The following WDR88 variants were observed in gnomAD, a reference collection of about 807,000 sequenced individuals.
WDR88 encodes the protein WD repeat domain 88.
A neutral mutation model predicts 46.8 loss-of-function variants in WDR88; 40 were observed. That is an observed-to-expected ratio of 0.86 (90% CI 0.66 to 1.11). WDR88 has a LOEUF of 1.11. Ranked by LOEUF, WDR88 falls within the 50% of genes most tolerant of loss-of-function variation. WDR88 has a pLI of 0.00. For missense variants in WDR88, 562 were observed against 602.4 expected, an observed-to-expected ratio of 0.93 and a Z score of 0.70; for synonymous variants, 235 against 240.7, an observed-to-expected ratio of 0.98 and a Z score of 0.22.
intron 1 of WDR88, among the ~76,000 whole-genome samples, chr19:33,135,265 G>C (rs982492552): frequency 6.6e-6 from 1 of 152,112 alleles, no homozygotes; most frequent in African/African-American, 2.4e-5. Context: ...GTCTATTCTA[G>C]ACCTTTTATA....
chr19:33,146,618 A>G (rs1243941676), intron 3 of WDR88, among the ~76,000 whole-genome samples: 1 of 152,074 alleles, frequency 6.6e-6, no homozygotes, highest in Non-Finnish European at 1.5e-5. Context: ...TCCTGGTTCA[A>G]GAGATTTTCA....
intron 1 of WDR88, 108 bp from the exon 2 acceptor site, chr19:33,137,568 AT>A (rs1406091017): frequency 1.8e-5 from 19 of 1,032,506 alleles, no homozygotes; most frequent in Admixed American, 2.5e-5. Context: ...TTTTAAATTC[AT>A]TTTTTTCCGG....
intron 1 of WDR88, among the ~76,000 whole-genome samples, chr19:33,135,772 AGGAG>A (rs1973251951): frequency 6.6e-6 from 1 of 152,242 alleles, no homozygotes; most frequent in Non-Finnish European, 1.5e-5. Flanking sequence ...CCAGCAATGT[AGGAG>A]GTTTCCAACT....
At chr19:33,133,473 G>C (rs932679592) in intron 1 of WDR88, among the ~76,000 whole-genome samples, 1 of 152,056 alleles carries the variant, frequency 6.6e-6, no homozygotes, top group South Asian at 2.1e-4. Flanking sequence ...ATTTGAACCC[G>C]GGAGGCAGAG....
intron 9 of WDR88, among the ~76,000 whole-genome samples, 177 bp downstream of exon 9, chr19:33,164,442 A>T (rs1973921760): frequency 2.0e-5 from 3 of 152,242 alleles, no homozygotes; most frequent in Non-Finnish European, 1.5e-5. Flanking sequence ...CGCAAACGCG[A>T]TGAGTTTGGA....
chr19:33,173,625 T>C (rs1974076451), intron 10 of WDR88, among the ~76,000 whole-genome samples: 7 of 152,252 alleles, frequency 4.6e-5, no homozygotes. Flanking sequence ...GGAGCCGCAC[T>C]GCAAGGCAGT....
At chr19:33,151,882 A>C (rs1973640536) in intron 6 of WDR88, among the ~76,000 whole-genome samples, 1 of 152,020 alleles carries the variant, frequency 6.6e-6, no homozygotes, top group Non-Finnish European at 1.5e-5. Context: ...CCTGTCTAAA[A>C]AAAATAAATA....
chr19:33,144,659 C>T (rs900593319), intron 2 of WDR88, among the ~76,000 whole-genome samples, 185 bp from the exon 3 acceptor site: 1 of 152,202 alleles, frequency 6.6e-6, no homozygotes, highest in Non-Finnish European at 1.5e-5. Context: ...GTGTCCTTCC[C>T]GCTCAGGGGA....
chr19:33,162,240 G>A (rs914213500), intron 8 of WDR88, among the ~76,000 whole-genome samples: 3 of 151,604 alleles, frequency 2.0e-5, no homozygotes, highest in Non-Finnish European at 4.4e-5. Flanking sequence ...TCGCTCTGTC[G>A]CCCAGGCTAG....
At chr19:33,156,884 A>G (rs543339574) in intron 7 of WDR88, among the ~76,000 whole-genome samples, 2 of 152,268 alleles carry the variant, frequency 1.3e-5, no homozygotes, top group East Asian at 1.9e-4. Context: ...TTCCCTCTGT[A>G]TCAGCCTTTA....
intron 1 of WDR88, among the ~76,000 whole-genome samples, chr19:33,134,473 G>A (rs1371852263): frequency 6.6e-6 from 1 of 151,994 alleles, no homozygotes; most frequent in Non-Finnish European, 1.5e-5. Context: ...AATTGCATGC[G>A]TGAGCCACTG....
At chr19:33,141,763 C>T (rs1386670642) in intron 2 of WDR88, among the ~76,000 whole-genome samples, 2 of 152,182 alleles carry the variant, frequency 1.3e-5, no homozygotes, top group Admixed American at 6.6e-5. Flanking sequence ...TCACTGCAAC[C>T]TCTGCCTCCT....
chr19:33,174,837 C>A (rs948210050), intron 10 of WDR88: 3 of 984,904 alleles, frequency 3.0e-6, no homozygotes, highest in African/African-American at 3.5e-5. Context: ...TGGCAGGAGA[C>A]ATGAGCTGGC....
chr19:33,175,623 GT>G lies in WDR88; in HGVS notation c.*54del. 6.2e-7 allele frequency: 1 copy of G among 1,604,552 alleles called. No individual in the cohort carries two copies. The highest frequency in any genetic ancestry group is 1.7e-5 in the Admixed American group (1 of 59,510). Reference sequence around the variant, plus strand: ...CCAGCACAGGCTACCTAGCATGTAGGTTTCGGGGCTTTGCAGGGGCTTTCTC... The same window carrying G: ...CCAGCACAGGCTACCTAGCATGTAGGTTCGGGGCTTTGCAGGGGCTTTCTC... On this transcript the variant is annotated 3_prime_UTR_variant, in exon 11 of 11. Transcript: ENST00000355868.
intron 6 of WDR88, among the ~76,000 whole-genome samples, chr19:33,154,531 G>T (rs1973698256): frequency 6.6e-6 from 1 of 152,104 alleles, no homozygotes; most frequent in Non-Finnish European, 1.5e-5. Flanking sequence ...CAAAGGACAT[G>T]ATCTCATTCT....
At chr19:33,160,053 C>G (rs1973838051) in intron 7 of WDR88, among the ~76,000 whole-genome samples, 1 of 152,090 alleles carries the variant, frequency 6.6e-6, no homozygotes, top group Non-Finnish European at 1.5e-5. Context: ...TGCAGCTGAT[C>G]TGACAGGAGG....
intron 9 of WDR88, among the ~76,000 whole-genome samples, chr19:33,168,981 C>T (rs1973996273): frequency 6.6e-6 from 1 of 152,016 alleles, no homozygotes; most frequent in African/African-American, 2.4e-5. Flanking sequence ...GGTGCCGAGA[C>T]CATTCAATGG....
Position 33,151,165 on chromosome 19 carries a change from C to T in WDR88, c.680-16C>T, listed in dbSNP as rs773962398. 8 of 1,611,082 alleles carry T rather than the reference C, an allele frequency of 5.0e-6. No homozygotes were observed. The highest frequency in any genetic ancestry group is 3.3e-4 in the Middle Eastern group (2 of 6,044). ...GGAAGGCGTGGTCTCAAGTCCCTTTCCTCCGTGTTCTGCAGATCATCACAC... is the reference window on the plus strand; with the variant it reads ...GGAAGGCGTGGTCTCAAGTCCCTTTTCTCCGTGTTCTGCAGATCATCACAC... On this transcript the variant is annotated splice_polypyrimidine_tract_variant and intron_variant, in intron 5 of 10. Transcript: ENST00000355868.
Position 33,157,679 on chromosome 19 carries a change from G to A in WDR88, c.997+1137G>A, listed in dbSNP as rs112566614. Reference sequence around the variant, plus strand: ...TATATATGTATGTATGTGTGTGTGTGTATGTATGTATATATATATATATAT... The same window carrying A: ...TATATATGTATGTATGTGTGTGTGTATATGTATGTATATATATATATATAT... On this transcript the variant is annotated intron_variant, in intron 7 of 10. Transcript: ENST00000355868. 9.8e-4 allele frequency among the ~76,000 whole-genome samples: 92 copies of A among 94,062 alleles called. 1 individual carries two copies. Among genetic ancestry groups the A allele is most frequent in the South Asian group, 4.5e-3 (10 of 2,226 alleles). The allele number at this position is 94,062 out of a possible 152,430, so 61.7% of individuals were successfully genotyped here.
Sources: allele counts gnomAD v4.1 joint callset (sites outside exome capture counted in the v4.1 genomes callset), GRCh38; gene constraint gnomAD v4.1.1; transcripts MANE v1.5; gene names NCBI Gene and HGNC (gene_info 2026-07-23, HGNC 2026-07-21).